The following FYB2 variants were observed in gnomAD, a reference collection of about 807,000 sequenced individuals.
FYB2 encodes the protein FYN-binding protein 2.
A neutral mutation model predicts 94.1 loss-of-function variants in FYB2; 103 were observed. The observed-to-expected ratio is 1.09, with a 90% CI of 0.93 to 1.29. The LOEUF (loss-of-function observed/expected upper bound fraction) is 1.29. Ranked by LOEUF, FYB2 falls within the 50% of genes most tolerant of loss-of-function variation. FYB2 has a pLI of 0.00. For missense variants in FYB2, 896 were observed against 841.5 expected (o/e 1.06, Z -0.80); for synonymous variants, 293 against 287.9 (o/e 1.02, Z -0.18).
chr1:56,738,482 C>A, intron 14 of FYB2, 143 bp downstream of exon 14: 1 of 813,794 alleles, frequency 1.2e-6, no homozygotes, highest in South Asian at 2.2e-5. Flanking sequence ...AAAATACTTC[C>A]GTGTGAAACA....
intron 15 of FYB2, chr1:56,731,965 G>C (rs914550814): frequency 2.0e-5 from 3 of 151,976 alleles, no homozygotes; most frequent in Non-Finnish European, 4.4e-5. Context: ...ATTCAACAAA[G>C]TACTAGAAGT....
At chr1:56,745,106 T>A (rs569595177) in intron 9 of FYB2, among the ~76,000 whole-genome samples, 1 of 152,140 alleles carries the variant, frequency 6.6e-6, no homozygotes, top group South Asian at 2.1e-4. Flanking sequence ...TCCTACTTTT[T>A]CTCAAGGAGT....
chr1:56,783,964 C>T (rs1418224121), intron 4 of FYB2, among the ~76,000 whole-genome samples: 5 of 152,148 alleles, frequency 3.3e-5, no homozygotes, highest in African/African-American at 9.7e-5. Flanking sequence ...TCTCTAGATG[C>T]TAGGCCCTGC....
At chr1:56,814,786 G>GT (rs1347810558) in intron 1 of FYB2, among the ~76,000 whole-genome samples, 4 of 152,256 alleles carry the variant, frequency 2.6e-5, no homozygotes, top group African/African-American at 9.6e-5. Context: ...AGGTCCACTT[G>GT]TGTAGATGTT....
intron 4 of FYB2, among the ~76,000 whole-genome samples, chr1:56,780,964 T>A (rs190852445): frequency 6.6e-6 from 1 of 152,228 alleles, no homozygotes; most frequent in East Asian, 1.9e-4. Context: ...CCTGTAGCGA[T>A]TCAATTTATC....
At position 56,744,139 on chromosome 1, in the gene FYB2, G is replaced by C; in HGVS notation, c.1502+13C>G. Reference sequence around the variant, plus strand: ...TCACATTCATCTTGCTGAAAGACTGGAATGTTACTTACACCTCTTTCCTGG... The same window carrying C: ...TCACATTCATCTTGCTGAAAGACTGCAATGTTACTTACACCTCTTTCCTGG... On this transcript the variant is annotated intron_variant, in intron 10 of 19. Coordinates refer to ENST00000343433, the MANE Select transcript of FYB2 (RefSeq NM_001004303.5). 6.2e-7 allele frequency: 1 copy of C among 1,611,612 alleles called. No individual in the cohort carries two copies. Among genetic ancestry groups the C allele is most frequent in the Non-Finnish European group, 8.5e-7 (1 of 1,178,414 alleles).
At chr1:56,795,029 G>A (rs2100993189) in intron 1 of FYB2, among the ~76,000 whole-genome samples, 1 of 151,412 alleles carries the variant, frequency 6.6e-6, no homozygotes, top group East Asian at 2.0e-4. Flanking sequence ...TGTACACTTA[G>A]AGATCTTAAC....
At chr1:56,751,493 C>T (rs1172064521) in intron 8 of FYB2, among the ~76,000 whole-genome samples, 2 of 151,970 alleles carry the variant, frequency 1.3e-5, no homozygotes, top group African/African-American at 4.8e-5. Context: ...ATAACTTAAT[C>T]ATCATGATAC....
chr1:56,721,904 C>A (rs12407205), intron 17 of FYB2, among the ~76,000 whole-genome samples: 16,836 of 151,964 alleles, frequency 0.11, 1,061 homozygotes, highest in African/African-American at 0.17. Flanking sequence ...CATCTTTGTA[C>A]CCCCAGTGCC....
intron 6 of FYB2, among the ~76,000 whole-genome samples, chr1:56,757,382 T>C (rs1191162287): frequency 6.6e-6 from 1 of 152,104 alleles, no homozygotes; most frequent in Non-Finnish European, 1.5e-5. Flanking sequence ...ATGAAGGATC[T>C]AGACTAAATG....
chr1:56,720,044 G>A lies in FYB2; in HGVS notation c.2143C>T (p.Leu715Phe), dbSNP rs112183545. Reference protein sequence around the residue: ...RNSKGKYGYVLIEHLDFKHQS... With the variant: ...RNSKGKYGYVFIEHLDFKHQS... ...TACTTGAAATCTAGATGTTCAATGA[G>A]CACATATCCATCTAATAGAAACAAA... The change falls in exon 19 of 20, where the codon CTC (leucine) becomes TTC (phenylalanine). Residue 715 changes from leucine to phenylalanine, a missense_variant. Transcript: ENST00000343433. The A allele has an allele frequency of 4.4e-6, 7 of 1,602,174 alleles. No homozygotes were observed. In the African/African-American group the frequency reaches 6.7e-5, roughly 15 times the overall value.
chr1:56,738,568 C>A (rs1178680362), intron 14 of FYB2, 57 bp downstream of exon 14: 1 of 1,513,808 alleles, frequency 6.6e-7, no homozygotes, highest in East Asian at 2.3e-5. Flanking sequence ...TCTTTCCCTG[C>A]CTCTGAATAT....
At chr1:56,764,561 T>G (rs1256805517) in intron 5 of FYB2, among the ~76,000 whole-genome samples, 2 of 152,056 alleles carry the variant, frequency 1.3e-5, no homozygotes, top group Non-Finnish European at 2.9e-5. Context: ...TTTTTTTTTT[T>G]TACATTTCTC....
chr1:56,753,360 T>C (rs1283952567), intron 8 of FYB2, among the ~76,000 whole-genome samples: 1 of 152,106 alleles, frequency 6.6e-6, no homozygotes, highest in East Asian at 1.9e-4. Context: ...TATGAAACAC[T>C]TTCTTGCACA....
chr1:56,773,069 A>C (rs1237800777), intron 4 of FYB2, among the ~76,000 whole-genome samples: 1 of 152,184 alleles, frequency 6.6e-6, no homozygotes, highest in Non-Finnish European at 1.5e-5. Context: ...AGCTCCTTAA[A>C]TGCAATATAA....
chr1:56,754,386 T>C (rs1367284003), intron 7 of FYB2, among the ~76,000 whole-genome samples: 1 of 152,104 alleles, frequency 6.6e-6, no homozygotes, highest in African/African-American at 2.4e-5. Context: ...ATGCCCTTCA[T>C]GATATAGCTA....
intron 4 of FYB2, among the ~76,000 whole-genome samples, chr1:56,778,313 T>C (rs1178898127): frequency 6.6e-6 from 1 of 152,174 alleles, no homozygotes; most frequent in East Asian, 1.9e-4. Flanking sequence ...ACTGTTATAG[T>C]CTTGAAATTA....
At chr1:56,819,513 C>T, upstream of FYB2, 3 of 620,810 alleles carry the variant, frequency 4.8e-6, no homozygotes, top group Non-Finnish European at 8.5e-6. Context: ...TGGCTTAGAC[C>T]AGCACCTGCA....
chr1:56,733,388 G>A (rs986218931), intron 15 of FYB2, among the ~76,000 whole-genome samples: 1 of 151,992 alleles, frequency 6.6e-6, no homozygotes, highest in African/African-American at 2.4e-5. Flanking sequence ...CCAGCTCCTG[G>A]ATTCATTGAT....
Sources: allele counts gnomAD v4.1 joint callset (sites outside exome capture counted in the v4.1 genomes callset), GRCh38; gene constraint gnomAD v4.1.1; transcripts MANE v1.5; gene names NCBI Gene and HGNC (gene_info 2026-07-23, HGNC 2026-07-21).